The following SLC4A4 variants were observed in gnomAD, a reference collection of about 807,000 sequenced individuals.
SLC4A4 encodes electrogenic sodium bicarbonate cotransporter 1.
SLC4A4 carries 27 observed loss-of-function variants against 111.5 expected under a neutral mutation model. The observed-to-expected ratio is 0.24, with a 90% CI of 0.18 to 0.33. The LOEUF is 0.33. Ranked by LOEUF, SLC4A4 falls within the 10% of genes least tolerant of loss-of-function variation. SLC4A4 has a pLI of 1.00. For synonymous variants in SLC4A4, 443 were observed against 463.4 expected, an observed-to-expected ratio of 0.96 and a Z score of 0.57; for missense variants, 909 against 1,315.5, an observed-to-expected ratio of 0.69 and a Z score of 4.78.
chr4:71,462,423 T>A (rs1458063838), intron 12 of SLC4A4, among the ~76,000 whole-genome samples: 3 of 149,206 alleles, frequency 2.0e-5, no homozygotes, highest in South Asian at 2.1e-4. Context: ...ATCTTTTTTT[T>A]TTTTTTTTTT....
chr4:71,286,799 A>C (rs1050669297), intron 3 of SLC4A4, among the ~76,000 whole-genome samples: 19 of 152,348 alleles, frequency 1.2e-4, no homozygotes, highest in African/African-American at 4.3e-4. Context: ...TACTACTTCG[A>C]AATTAGGCAG....
chr4:71,565,972 A>G (rs1737436009), intron 24 of SLC4A4, among the ~76,000 whole-genome samples: 1 of 151,872 alleles, frequency 6.6e-6, no homozygotes, highest in Non-Finnish European at 1.5e-5. Context: ...AAATCTCAGA[A>G]GTAACGGACC....
rs1578481230 is a variant in SLC4A4 at position 71,102,604 on chromosome 4, G to A, written c.-2+9812G>A. Among the ~76,000 whole-genome samples, 5 of 152,012 alleles carry A rather than the reference G, an allele frequency of 3.3e-5. No homozygotes were observed. In the East Asian group the frequency reaches 9.7e-4, roughly 29 times the overall value. ...AAACTCTACAAGCCAGAAGAGAGTG[G>A]GGGCCAATATTCAACATTCTTAAAG... On this transcript the variant is annotated intron_variant, in intron 2 of 26. Transcript: ENST00000649996.
intron 6 of SLC4A4, among the ~76,000 whole-genome samples, chr4:71,395,164 G>T (rs1299979782): frequency 6.6e-6 from 1 of 152,128 alleles, no homozygotes; most frequent in African/African-American, 2.4e-5. Context: ...CTGGTCTGGA[G>T]ACCTCACTGT....
chr4:71,444,712 T>C (rs1725070610), intron 8 of SLC4A4, among the ~76,000 whole-genome samples: 1 of 152,208 alleles, frequency 6.6e-6, no homozygotes, highest in African/African-American at 2.4e-5. Flanking sequence ...AGAAAACATA[T>C]TTCAGGCAGA....
chr4:71,232,859 A>T (rs1174692368), intron 1 of SLC4A4, among the ~76,000 whole-genome samples: 1 of 152,260 alleles, frequency 6.6e-6, no homozygotes, highest in Non-Finnish European at 1.5e-5. Flanking sequence ...ATGATGTTCC[A>T]CATGAAATTG....
chr4:71,185,372 G>A (rs564883206), upstream of SLC4A4, among the ~76,000 whole-genome samples: 1 of 152,218 alleles, frequency 6.6e-6, no homozygotes, highest in Non-Finnish European at 1.5e-5. Context: ...TGCTCAGGGA[G>A]TGAAAGTTAA....
At chr4:71,361,311 C>T (rs1416996936) in intron 6 of SLC4A4, among the ~76,000 whole-genome samples, 7 of 152,298 alleles carry the variant, frequency 4.6e-5, no homozygotes, top group Middle Eastern at 3.4e-3. Context: ...GACTAACTCT[C>T]GTCTTTTAGC....
intron 1 of SLC4A4, among the ~76,000 whole-genome samples, chr4:71,224,362 C>T (rs1307424866): frequency 1.3e-5 from 2 of 152,178 alleles, no homozygotes; most frequent in Non-Finnish European, 2.9e-5. Context: ...TTTAACAGAT[C>T]AGTCGAATTG....
chr4:71,479,951 C>G, intron 14 of SLC4A4, among the ~76,000 whole-genome samples: 1 of 151,196 alleles, frequency 6.6e-6, no homozygotes, highest in Admixed American at 6.6e-5. Context: ...TATAACACAT[C>G]TCCAAGATGT....
intron 3 of SLC4A4, among the ~76,000 whole-genome samples, chr4:71,316,465 C>G (rs1400188914): frequency 6.6e-6 from 1 of 151,970 alleles, no homozygotes. Context: ...ATTAGGGATC[C>G]CTGGTACCCC....
chr4:71,148,275 T>A (rs1430714702), intron 2 of SLC4A4, among the ~76,000 whole-genome samples: 2 of 152,150 alleles, frequency 1.3e-5, no homozygotes, highest in African/African-American at 4.8e-5. Flanking sequence ...AACATCTCTC[T>A]GGGCTAAAGT....
At chr4:71,549,888 CCT>C (rs1425862267) in intron 20 of SLC4A4, among the ~76,000 whole-genome samples, 1 of 151,860 alleles carries the variant, frequency 6.6e-6, no homozygotes, top group Non-Finnish European at 1.5e-5. Context: ...TCTTTTCACC[CCT>C]GATAGGCAAA....
intron 3 of SLC4A4, among the ~76,000 whole-genome samples, chr4:71,313,599 G>A (rs537498996): frequency 2.0e-4 from 31 of 152,094 alleles, no homozygotes; most frequent in Admixed American, 6.5e-4. Flanking sequence ...ACAGAACAGA[G>A]GCCTCAGAAA....
intron 1 of SLC4A4, 189 bp from the exon 2 acceptor site, chr4:71,236,387 A>T (rs1719810269): frequency 1.3e-6 from 1 of 772,766 alleles, no homozygotes; most frequent in Non-Finnish European, 2.0e-6. Context: ...GCTATGTGGG[A>T]CCGGCATATT....
At chr4:71,170,943 CA>C (rs1489388859) in intron 2 of SLC4A4, among the ~76,000 whole-genome samples, 2 of 152,052 alleles carry the variant, frequency 1.3e-5, no homozygotes, top group African/African-American at 4.8e-5. Context: ...ATGGCATGAG[CA>C]AGGGACTGGG....
intron 2 of SLC4A4, among the ~76,000 whole-genome samples, chr4:71,168,941 T>G (rs745456850): frequency 1.3e-5 from 2 of 152,210 alleles, no homozygotes; most frequent in Non-Finnish European, 1.5e-5. Flanking sequence ...CTTTGATATA[T>G]TGATTTCCTT....
chr4:71,476,355 G>C (rs907866924), intron 14 of SLC4A4, among the ~76,000 whole-genome samples: 2 of 151,700 alleles, frequency 1.3e-5, no homozygotes, highest in African/African-American at 4.8e-5. Flanking sequence ...AATAACAAAA[G>C]ACTGGCCTTT....
At chr4:71,376,156 T>TATACACACACACACACACAC (rs1553900734) in intron 6 of SLC4A4, among the ~76,000 whole-genome samples, 14 of 135,520 alleles carry the variant, frequency 1.0e-4, no homozygotes, top group African/African-American at 3.9e-4. Flanking sequence ...CCTGTATATA[T>TATACACACACACACACACAC]ACACACACAC....
Sources: gnomAD v4.1 joint callset for allele counts (sites outside exome capture counted in the v4.1 genomes callset) on GRCh38, gnomAD v4.1.1 for gene constraint, MANE v1.5 for transcripts, NCBI Gene and HGNC (gene_info 2026-07-23, HGNC 2026-07-21) for gene names.